Variants in COX16 observed in about 807,000 individuals in gnomAD.
COX16 encodes cytochrome c oxidase assembly factor COX16, also known as cytochrome c oxidase assembly protein COX16 homolog, mitochondrial.
Under a neutral mutation model 15.4 loss-of-function variants are expected in COX16, and 12 were observed. That is an observed-to-expected ratio of 0.78 (90% CI 0.50 to 1.26). The LOEUF is 1.26. COX16 is among the 50% of genes most tolerant of loss of function. The probability of loss-of-function intolerance (pLI) is 0.00; values close to 1 mark genes in which losing one functional copy is unlikely to be tolerated. For missense variants in COX16, 124 were observed against 127.6 expected (o/e 0.97, Z 0.14); for synonymous variants, 46 against 41.1 (o/e 1.12, Z -0.46).
chr14:70,332,022 C>T (rs531868479), intron 2 of COX16, among the ~76,000 whole-genome samples: 1 of 152,340 alleles, frequency 6.6e-6, no homozygotes, highest in South Asian at 2.1e-4. Context: ...ACTGAGCTTG[C>T]TTCTAAGTTC....
intron 2 of COX16, among the ~76,000 whole-genome samples, chr14:70,332,418 T>C (rs1886318556): frequency 6.6e-6 from 1 of 151,946 alleles, no homozygotes; most frequent in Non-Finnish European, 1.5e-5. Flanking sequence ...CTGCGCAGGA[T>C]CCTCCAGGGA....
At chr14:70,345,906 T>G (rs1285946731) in intron 1 of COX16, among the ~76,000 whole-genome samples, 4 of 151,918 alleles carry the variant, frequency 2.6e-5, no homozygotes, top group Non-Finnish European at 2.9e-5. Flanking sequence ...CCCCCAAGCC[T>G]CCTCGTTGTC....
chr14:70,326,222 G>A lies in COX16; in HGVS notation c.*111C>T, dbSNP rs1886066426. On this transcript the variant is annotated 3_prime_UTR_variant, in exon 4 of 4. Transcript: ENST00000389912. ...TTGTCATCAAATTACCCATATCCAA[G>A]TTTCCATGGGCCTGGAATTTCCTTT... 1 of 885,274 alleles carries A rather than the reference G, an allele frequency of 1.1e-6. No homozygotes were observed. The highest frequency in any genetic ancestry group is 1.5e-6 in the Non-Finnish European group (1 of 659,678). The allele number at this position is 885,274 out of a possible 1,614,324, so 54.8% of individuals were successfully genotyped here. A position where few individuals can be genotyped will look rare whatever the true frequency, so the allele number is the denominator to read the frequency against.
At chr14:70,350,669 T>C (rs1014436637) in intron 1 of COX16, among the ~76,000 whole-genome samples, 5 of 152,234 alleles carry the variant, frequency 3.3e-5, no homozygotes, top group African/African-American at 1.2e-4. Flanking sequence ...ACTATACGTG[T>C]TTAGTAGAAT....
intron 2 of COX16, among the ~76,000 whole-genome samples, chr14:70,332,492 AG>A (rs903960983): frequency 1.3e-5 from 2 of 152,036 alleles, no homozygotes; most frequent in African/African-American, 2.4e-5. Flanking sequence ...AGCAGATCCC[AG>A]GGGGGCCCAG....
intron 2 of COX16, among the ~76,000 whole-genome samples, chr14:70,340,028 A>T (rs183063130): frequency 1.3e-5 from 2 of 150,786 alleles, no homozygotes; most frequent in Non-Finnish European, 3.0e-5. Flanking sequence ...TGGTAGCTCA[A>T]CCTCCCCTGT....
intron 2 of COX16, among the ~76,000 whole-genome samples, chr14:70,330,580 A>C (rs1411036547): frequency 2.0e-5 from 3 of 152,260 alleles, no homozygotes; most frequent in Non-Finnish European, 4.4e-5. Flanking sequence ...TAGTGTAAAA[A>C]GAATTCAGCA....
At chr14:70,352,070 ATTTCT>A (rs1328041074) in intron 1 of COX16, among the ~76,000 whole-genome samples, 1 of 152,106 alleles carries the variant, frequency 6.6e-6, no homozygotes, top group Non-Finnish European at 1.5e-5. Flanking sequence ...ATTTCATGTG[ATTTCT>A]TTTTTCTTTT....
At chr14:70,327,195 G>C (rs1594904433) in intron 3 of COX16, among the ~76,000 whole-genome samples, 1 of 152,172 alleles carries the variant, frequency 6.6e-6, no homozygotes, top group Non-Finnish European at 1.5e-5. Context: ...CTTATATCCA[G>C]AGACAGGGAA....
chr14:70,328,071 G>GGTTTT (rs1594905215), intron 3 of COX16: 1 of 59,074 alleles, frequency 1.7e-5, no homozygotes, highest in Non-Finnish European at 3.2e-5. Flanking sequence ...CTGAGAATAA[G>GGTTTT]ATTTTTTTTT....
chr14:70,354,742 A>G (rs1216268437), intron 1 of COX16, among the ~76,000 whole-genome samples: 2 of 152,070 alleles, frequency 1.3e-5, no homozygotes, highest in African/African-American at 4.8e-5. Flanking sequence ...TAGTTCTACT[A>G]AATTATTGAA....
chr14:70,340,068 G>A (rs1886579095), intron 2 of COX16, among the ~76,000 whole-genome samples: 1 of 152,184 alleles, frequency 6.6e-6, no homozygotes. Context: ...TGGTTTGGCT[G>A]TGTCTGTACC....
chr14:70,332,321 G>C (rs1263724856), intron 2 of COX16, among the ~76,000 whole-genome samples: 2 of 152,204 alleles, frequency 1.3e-5, no homozygotes, highest in Non-Finnish European at 2.9e-5. Flanking sequence ...CTCCCCTGTG[G>C]GCTTGCCAAC....
intron 3 of COX16, 36 bp downstream of exon 3, chr14:70,329,138 T>C (rs1886193325): frequency 6.4e-7 from 1 of 1,564,952 alleles, no homozygotes; most frequent in Non-Finnish European, 8.6e-7. Flanking sequence ...CAGTAACTGA[T>C]TGTTATAAGA....
intron 2 of COX16, among the ~76,000 whole-genome samples, chr14:70,331,030 G>A (rs1886271213): frequency 6.6e-6 from 1 of 152,042 alleles, no homozygotes; most frequent in Non-Finnish European, 1.5e-5. Flanking sequence ...TTTTCTTTGA[G>A]ATGGAAATCT....
intron 1 of COX16, chr14:70,359,268 GCCACGCTCA>G (rs1308638627): frequency 3.4e-6 from 2 of 596,688 alleles, no homozygotes; most frequent in South Asian, 3.0e-5. Context: ...TGGGAAAGAC[GCCACGCTCA>G]CAAGCAGACA....
intron 2 of COX16, among the ~76,000 whole-genome samples, chr14:70,336,092 T>A (rs1416981801): frequency 6.6e-6 from 1 of 151,956 alleles, no homozygotes; most frequent in African/African-American, 2.4e-5. Flanking sequence ...CTGTCTCTAC[T>A]AAAAATACAA....
In COX16 at chr14:70,325,211, G is replaced by A. The variant is rs1206712660; in HGVS notation, c.*1122C>T. The A allele has an allele frequency of 6.6e-6, 1 of 152,090 alleles. No individual in the cohort carries two copies. Among genetic ancestry groups the A allele is most frequent in the Non-Finnish European group, 1.5e-5 (1 of 68,000 alleles). The allele number at this position is 152,090 out of a possible 1,614,324, so 9.4% of individuals were successfully genotyped here. A position where few individuals can be genotyped will look rare whatever the true frequency, so the allele number is the denominator to read the frequency against. ...AGGAGTGTTTCAATGGAGACTTTAG[G>A]CAACTAGAACTCAGCATGAAACCAG... On this transcript the variant is annotated 3_prime_UTR_variant, in exon 4 of 4. Coordinates refer to ENST00000389912, the MANE Select transcript of COX16 (RefSeq NM_016468.7).
chr14:70,330,960 G>A (rs1886267487), intron 2 of COX16, among the ~76,000 whole-genome samples: 1 of 152,228 alleles, frequency 6.6e-6, no homozygotes, highest in South Asian at 2.1e-4. Context: ...TTGGAGTAGG[G>A]AAAATGTTTC....
Sources: gnomAD v4.1 joint callset for allele counts (sites outside exome capture counted in the v4.1 genomes callset) on GRCh38, gnomAD v4.1.1 for gene constraint, MANE v1.5 for transcripts, NCBI Gene and HGNC (gene_info 2026-07-23, HGNC 2026-07-21) for gene names.